STIM2: variants seen among roughly 807,000 people sequenced by gnomAD.
STIM2 encodes the protein stromal interaction molecule 2.
Under a neutral mutation model 85.8 loss-of-function variants are expected in STIM2, and 31 were observed. The ratio of observed to expected loss-of-function variants is 0.36; its 90% CI spans 0.27 to 0.49. STIM2 has a LOEUF of 0.49. Among genes scored for constraint, STIM2 ranks in the 20% least tolerant of loss-of-function variants. STIM2 has a pLI of 0.98. For synonymous variants in STIM2, 356 were observed against 331.1 expected, an observed-to-expected ratio of 1.08 and a Z score of -0.82; for missense variants, 841 against 927.6, an observed-to-expected ratio of 0.91 and a Z score of 1.21.
chr4:26,881,070 T>A (rs1209390128), intron 1 of STIM2, among the ~76,000 whole-genome samples: 2 of 152,188 alleles, frequency 1.3e-5, no homozygotes, highest in Non-Finnish European at 2.9e-5. Flanking sequence ...TGTTGAAACC[T>A]AAACCTCAAG....
chr4:26,919,385 T>G, intron 1 of STIM2, 119 bp from the exon 2 acceptor site: 1 of 1,292,212 alleles, frequency 7.7e-7, no homozygotes, highest in Non-Finnish European at 1.1e-6. Flanking sequence ...CGTTTTAAAG[T>G]CTCTTAGTTT....
At chr4:26,986,222 A>G (rs1383050362) in intron 3 of STIM2, among the ~76,000 whole-genome samples, 2 of 152,224 alleles carry the variant, frequency 1.3e-5, no homozygotes, top group Non-Finnish European at 2.9e-5. Context: ...CATGTAAAGC[A>G]TGTAGCAGAG....
intron 1 of STIM2, among the ~76,000 whole-genome samples, chr4:26,885,869 A>ATATG (rs1427465521): frequency 1.9e-5 from 2 of 105,206 alleles, no homozygotes; most frequent in African/African-American, 3.5e-5. Context: ...ATATATATAT[A>ATATG]TATATGTATA....
chr4:26,976,347 GATCGGAGCTGTT>G (rs1475215175), intron 3 of STIM2, among the ~76,000 whole-genome samples: 2 of 149,564 alleles, frequency 1.3e-5, no homozygotes, highest in Admixed American at 1.3e-4. Flanking sequence ...GGGAGCTGCA[GATCGGAGCTGTT>G]CCTATTCGGC....
chr4:27,002,526 C>T lies in STIM2; in HGVS notation c.803+132C>T, dbSNP rs530618382. On this transcript the variant is annotated intron_variant, in intron 6 of 11. Coordinates refer to ENST00000467087, the MANE Select transcript of STIM2 (RefSeq NM_020860.4). Reference sequence around the variant, plus strand: ...AGGAATAGATGCATATTTGATTTCACATTTTTAGAAAAGTATACTTTTATA... The same window carrying T: ...AGGAATAGATGCATATTTGATTTCATATTTTTAGAAAAGTATACTTTTATA... 213 of 596,962 alleles carry T rather than the reference C, an allele frequency of 3.6e-4. 1 individual carries two copies. In the East Asian group the frequency reaches 6.1e-3, roughly 17 times the overall value. 37.0% of individuals were successfully genotyped at this position (596,962 alleles called of 1,614,324 possible). A position where few individuals can be genotyped will look rare whatever the true frequency, so the allele number is the denominator to read the frequency against.
chr4:26,958,147 T>C (rs948433134), intron 3 of STIM2, among the ~76,000 whole-genome samples: 3 of 152,116 alleles, frequency 2.0e-5, no homozygotes, highest in African/African-American at 7.2e-5. Flanking sequence ...CTTTATGATG[T>C]CTCGTAATAG....
intron 3 of STIM2, among the ~76,000 whole-genome samples, chr4:26,974,508 G>A (rs962998207): frequency 1.3e-5 from 2 of 152,150 alleles, no homozygotes; most frequent in Non-Finnish European, 2.9e-5. Context: ...GCTTAGTTTG[G>A]CTGGATATGA....
intron 3 of STIM2, among the ~76,000 whole-genome samples, chr4:26,986,165 AC>A (rs1485900546): frequency 6.6e-6 from 1 of 152,216 alleles, no homozygotes; most frequent in Non-Finnish European, 1.5e-5. Flanking sequence ...TTATAATATT[AC>A]ATCTGATACC....
Position 27,007,497 on chromosome 4 carries a change from C to G in STIM2, c.982-36C>G, listed in dbSNP as rs773343540. 9.3e-6 allele frequency: 13 copies of G among 1,400,300 alleles called. No individual in the cohort carries two copies. The South Asian group carries it at 1.4e-4, about 15-fold the overall frequency. 86.7% of individuals were successfully genotyped at this position (1,400,300 alleles called of 1,614,324 possible). A position where few individuals can be genotyped will look rare whatever the true frequency, so the allele number is the denominator to read the frequency against. On this transcript the variant is annotated intron_variant, in intron 7 of 11. Coordinates refer to ENST00000467087, the MANE Select transcript of STIM2 (RefSeq NM_020860.4). Reference sequence around the variant, plus strand: ...ATATTTTAATCCTTCCTTCCTCCCTCTCTCCTTTCTTGCCTCCTTCCTTTC... The same window carrying G: ...ATATTTTAATCCTTCCTTCCTCCCTGTCTCCTTTCTTGCCTCCTTCCTTTC...
rs1726223152 is a variant in STIM2 at position 26,955,940 on chromosome 4, T to C, written c.283-1672T>C. Among the ~76,000 whole-genome samples the C allele has an allele frequency of 4.6e-5, 7 of 152,188 alleles. No homozygotes were observed. In the South Asian group the frequency reaches 1.4e-3, roughly 31 times the overall value. ...GTTGAGCCTCAGAAAAGTTAAATGA[T>C]TTGCTCAATATTATACAATTGTTAA... On this transcript the variant is annotated intron_variant, in intron 2 of 11. Transcript: ENST00000467087.
chr4:26,913,144 A>G (rs1182158469), intron 1 of STIM2, among the ~76,000 whole-genome samples: 2 of 152,168 alleles, frequency 1.3e-5, no homozygotes, highest in African/African-American at 4.8e-5. Flanking sequence ...ACTCCCAATT[A>G]CCAAAATCCA....
intron 2 of STIM2, among the ~76,000 whole-genome samples, chr4:26,942,990 A>C (rs1490810866): frequency 2.6e-5 from 4 of 152,062 alleles, no homozygotes; most frequent in African/African-American, 9.7e-5. Context: ...GCTTGACTCA[A>C]ATCTCTTCTC....
At chr4:26,952,080 A>T (rs1038827906) in intron 2 of STIM2, among the ~76,000 whole-genome samples, 1 of 152,152 alleles carries the variant, frequency 6.6e-6, no homozygotes, top group South Asian at 2.1e-4. Flanking sequence ...AGTATGGGGG[A>T]AACTGCCCCC....
At chr4:26,947,786 A>G (rs996157505) in intron 2 of STIM2, among the ~76,000 whole-genome samples, 6 of 152,114 alleles carry the variant, frequency 3.9e-5, no homozygotes, top group African/African-American at 7.2e-5. Flanking sequence ...TTTTGTTTTT[A>G]ACAACTGTAC....
At chr4:26,872,201 T>C (rs1560189039) in intron 1 of STIM2, among the ~76,000 whole-genome samples, 2 of 152,216 alleles carry the variant, frequency 1.3e-5, no homozygotes, top group Non-Finnish European at 1.5e-5. Context: ...TTTGAGGCAG[T>C]TAGTTGATCT....
chr4:26,907,297 A>G (rs1245168051), intron 1 of STIM2, among the ~76,000 whole-genome samples: 5 of 152,212 alleles, frequency 3.3e-5, no homozygotes, highest in African/African-American at 1.2e-4. Flanking sequence ...TTAGAACTAT[A>G]TGGTATAAAA....
chr4:26,932,737 A>AAGC (rs1237651517), intron 2 of STIM2, among the ~76,000 whole-genome samples: 1 of 152,180 alleles, frequency 6.6e-6, no homozygotes, highest in African/African-American at 2.4e-5. Context: ...CTCTGGAGCT[A>AAGC]AGCAGCAGCA....
intron 1 of STIM2, among the ~76,000 whole-genome samples, chr4:26,914,779 C>T (rs1724472091): frequency 6.6e-6 from 1 of 152,034 alleles, no homozygotes. Context: ...ATGGTTTGTT[C>T]AAGGGGAGTG....
At chr4:26,996,685 G>T (rs1291044660) in intron 4 of STIM2, among the ~76,000 whole-genome samples, 3 of 151,962 alleles carry the variant, frequency 2.0e-5, no homozygotes, top group African/African-American at 7.2e-5. Context: ...ATGCTTGAAA[G>T]AAGACAAAAA....
Sources: allele counts gnomAD v4.1 joint callset (sites outside exome capture counted in the v4.1 genomes callset), GRCh38; gene constraint gnomAD v4.1.1; transcripts MANE v1.5; gene names NCBI Gene and HGNC (gene_info 2026-07-23, HGNC 2026-07-21).